Variants in RUFY2 observed in about 807,000 individuals in gnomAD.
RUFY2 encodes RUN and FYVE domain-containing protein 2.
A neutral mutation model predicts 94.4 loss-of-function variants in RUFY2; 49 were observed. The observed-to-expected ratio is 0.52, with a 90% CI of 0.41 to 0.66. The LOEUF (loss-of-function observed/expected upper bound fraction) is 0.66, where lower values mean the gene tolerates loss of function less well. Among genes scored for constraint, RUFY2 ranks in the 30% least tolerant of loss-of-function variants. The probability of loss-of-function intolerance (pLI) is 0.00; values close to 1 mark genes in which losing one functional copy is unlikely to be tolerated. For missense variants in RUFY2, 541 were observed against 692.8 expected (o/e 0.78, Z 2.46); for synonymous variants, 255 against 235.7 (o/e 1.08, Z -0.75).
intron 16 of RUFY2, among the ~76,000 whole-genome samples, chr10:68,349,589 A>G (rs2046520640): frequency 6.6e-6 from 1 of 151,870 alleles, no homozygotes; most frequent in African/African-American, 2.4e-5. Flanking sequence ...CCCAGGCTGG[A>G]GTGCAGTGGT....
At chr10:68,363,241 G>T (rs1023180149) in intron 15 of RUFY2, among the ~76,000 whole-genome samples, 3 of 151,970 alleles carry the variant, frequency 2.0e-5, no homozygotes, top group African/African-American at 4.8e-5. Flanking sequence ...CGCCAGGCTG[G>T]AGTCAGCTCA....
intron 16 of RUFY2, 26 bp from the exon 17 acceptor site, chr10:68,346,110 C>G (rs2046253719): frequency 6.4e-7 from 1 of 1,556,564 alleles, no homozygotes; most frequent in Admixed American, 1.8e-5. Flanking sequence ...TATTAATGCT[C>G]AAATTGGTAA....
chr10:68,352,877 G>A (rs1219491629), intron 16 of RUFY2, among the ~76,000 whole-genome samples: 1 of 151,542 alleles, frequency 6.6e-6, no homozygotes, highest in East Asian at 1.9e-4. Context: ...TCAAGATCGT[G>A]CCACTACACT....
At chr10:68,341,430 A>C, downstream of RUFY2, 1 of 1,135,242 alleles carries the variant, frequency 8.8e-7, no homozygotes, top group South Asian at 1.4e-5. Flanking sequence ...TGACCTCTAT[A>C]ATGGCTTTCT....
chr10:68,373,404 A>G (rs74335463), intron 13 of RUFY2, among the ~76,000 whole-genome samples: 6,047 of 152,330 alleles, frequency 0.04, 389 homozygotes, highest in African/African-American at 0.14. Context: ...CTACTGTATC[A>G]ATAATTACAA....
intron 12 of RUFY2, 60 bp downstream of exon 12, chr10:68,379,364 T>C (rs1173735044): frequency 1.6e-6 from 2 of 1,232,732 alleles, no homozygotes; most frequent in Non-Finnish European, 2.3e-6. Context: ...GTGTAGGAAC[T>C]GAATAAAGAA....
chr10:68,369,431 G>T (rs1473904314), intron 13 of RUFY2, among the ~76,000 whole-genome samples: 1 of 149,560 alleles, frequency 6.7e-6, no homozygotes, highest in Non-Finnish European at 1.5e-5. Context: ...GCTGCAGTAA[G>T]CTGAGATTGT....
intron 16 of RUFY2, among the ~76,000 whole-genome samples, chr10:68,354,676 A>G (rs2046921634): frequency 6.6e-6 from 1 of 152,128 alleles, no homozygotes; most frequent in African/African-American, 2.4e-5. Context: ...TCATCAGCCT[A>G]TTTCAGAGAA....
downstream of RUFY2, chr10:68,342,445 G>A (rs1397396208): frequency 6.3e-6 from 1 of 159,808 alleles, no homozygotes; most frequent in Non-Finnish European, 1.4e-5. Context: ...ATCTGGAATA[G>A]AGCTTGACAA....
intron 15 of RUFY2, among the ~76,000 whole-genome samples, chr10:68,363,318 A>G (rs2047582335): frequency 6.6e-6 from 1 of 152,156 alleles, no homozygotes; most frequent in African/African-American, 2.4e-5. Flanking sequence ...CTGGGATTAC[A>G]GGCACACGCC....
At chr10:68,362,495 A>G (rs1397238843) in intron 15 of RUFY2, among the ~76,000 whole-genome samples, 1 of 152,136 alleles carries the variant, frequency 6.6e-6, no homozygotes, top group Non-Finnish European at 1.5e-5. Flanking sequence ...ACTATGGGGA[A>G]CAAAAGGAAA....
intron 15 of RUFY2, among the ~76,000 whole-genome samples, chr10:68,359,137 G>C (rs898671797): frequency 1.3e-5 from 2 of 151,818 alleles, no homozygotes; most frequent in African/African-American, 4.8e-5. Flanking sequence ...CCAACCCTTT[G>C]GGAGGCCAAG....
At chr10:68,405,456 G>C in intron 1 of RUFY2, 1 of 977,148 alleles carries the variant, frequency 1.0e-6, no homozygotes, top group Non-Finnish European at 1.2e-6. Flanking sequence ...TCTTCATAGA[G>C]AATGAGTTTT....
intron 15 of RUFY2, 31 bp downstream of exon 15, chr10:68,363,559 G>C: frequency 7.3e-7 from 1 of 1,373,728 alleles, no homozygotes; most frequent in Non-Finnish European, 1.0e-6. Context: ...AGTCAATAAT[G>C]ACTACTTAGT....
At chr10:68,377,392 A>T (rs1296054800) in intron 12 of RUFY2, 1 of 1,013,078 alleles carries the variant, frequency 9.9e-7, no homozygotes, top group Admixed American at 5.9e-5. Context: ...TTATGCTAGG[A>T]TGTGTATGCC....
intron 15 of RUFY2, among the ~76,000 whole-genome samples, chr10:68,359,210 C>T (rs1364218031): frequency 6.6e-6 from 1 of 151,684 alleles, no homozygotes; most frequent in Non-Finnish European, 1.5e-5. Context: ...GAAATCCCAC[C>T]TCTACTAAAA....
intron 13 of RUFY2, among the ~76,000 whole-genome samples, chr10:68,370,448 C>CTTTTTTTT (rs949829713): frequency 2.5e-4 from 32 of 126,126 alleles, no homozygotes; most frequent in East Asian, 1.4e-3. Flanking sequence ...TTTCTTTTTT[C>CTTTTTTTT]TTTTTTTTTT....
chr10:68,343,981 A>T lies in RUFY2; in HGVS notation c.*1787T>A, dbSNP rs968430697. ...AAATTTGTTCTAAGCACAGTAATAA[A>T]AAAGCATATTTGAAAATTTCATTTT... On this transcript the variant is annotated 3_prime_UTR_variant, in exon 18 of 18. Transcript: ENST00000602465. The T allele has an allele frequency of 6.6e-6, 1 of 151,364 alleles. No individual in the cohort carries two copies. The highest frequency in any genetic ancestry group is 1.5e-5 in the Non-Finnish European group (1 of 68,002). 9.4% of individuals were successfully genotyped at this position (151,364 alleles called of 1,614,324 possible).
chr10:68,393,746 G>C, intron 6 of RUFY2: 1 of 289,402 alleles, frequency 3.5e-6, no homozygotes, highest in South Asian at 3.6e-5. Flanking sequence ...AAAAAACATA[G>C]TTCGATCTTG....
Sources: allele counts gnomAD v4.1 joint callset (sites outside exome capture counted in the v4.1 genomes callset), GRCh38; gene constraint gnomAD v4.1.1; transcripts MANE v1.5; gene names NCBI Gene and HGNC (gene_info 2026-07-23, HGNC 2026-07-21).